CAGE1: variants seen among roughly 807,000 people sequenced by gnomAD.
The protein encoded by CAGE1 is cancer antigen 1.
Under a neutral mutation model 94.9 loss-of-function variants are expected in CAGE1, and 66 were observed. The observed-to-expected ratio is 0.70, with a 90% CI of 0.57 to 0.85. CAGE1 has a LOEUF of 0.85. Ranked by LOEUF, CAGE1 falls within the 40% of genes least tolerant of loss-of-function variation. The probability of loss-of-function intolerance (pLI) is 0.00; values close to 1 mark genes in which losing one functional copy is unlikely to be tolerated. For missense variants in CAGE1, 865 were observed against 950.4 expected, an observed-to-expected ratio of 0.91 and a Z score of 1.18; for synonymous variants, 319 against 321.0, an observed-to-expected ratio of 0.99 and a Z score of 0.07.
At chr6:7,344,050 G>A (rs556700446) in intron 11 of CAGE1, among the ~76,000 whole-genome samples, 5 of 152,236 alleles carry the variant, frequency 3.3e-5, no homozygotes, top group Admixed American at 6.5e-5. Flanking sequence ...AGGTGACAGC[G>A]TGCTGGCAAT....
intron 11 of CAGE1, chr6:7,338,862 C>A: frequency 6.9e-7 from 1 of 1,454,894 alleles, no homozygotes; most frequent in Admixed American, 1.7e-5. Flanking sequence ...ACTGAGGGCA[C>A]GGCAGGAGGC....
intron 11 of CAGE1, among the ~76,000 whole-genome samples, chr6:7,346,369 AC>A (rs1759536330): frequency 6.6e-6 from 1 of 152,136 alleles, no homozygotes; most frequent in African/African-American, 2.4e-5. Flanking sequence ...AGCCTGGGCA[AC>A]ACAGCAAGAC....
intron 11 of CAGE1, among the ~76,000 whole-genome samples, chr6:7,348,603 G>A (rs1384371052): frequency 7.9e-6 from 1 of 127,166 alleles, no homozygotes; most frequent in Non-Finnish European, 1.5e-5. Flanking sequence ...CAGGAGGTTA[G>A]TTATTAAGCT....
chr6:7,355,033 C>T lies in CAGE1; in HGVS notation c.2369+8G>A. The T allele has an allele frequency of 6.3e-7, 1 of 1,591,108 alleles. No individual in the cohort carries two copies. Among genetic ancestry groups the T allele is most frequent in the Non-Finnish European group, 8.6e-7 (1 of 1,166,386 alleles). On this transcript the variant is annotated splice_region_variant and intron_variant, in intron 11 of 13. Transcript: ENST00000502583. Reference sequence around the variant, plus strand: ...TCACAAAATTAAGGATTCGTTTTTTCAACTTACTGTGCAATCTGGGAGTGG... The same window carrying T: ...TCACAAAATTAAGGATTCGTTTTTTTAACTTACTGTGCAATCTGGGAGTGG...
chr6:7,345,091 T>TAAATCTTAAC, intron 11 of CAGE1, among the ~76,000 whole-genome samples: 1 of 151,778 alleles, frequency 6.6e-6, no homozygotes, highest in Non-Finnish European at 1.5e-5. Context: ...CACCCTGCAG[T>TAAATCTTAAC]AAATCTTAAC....
chr6:7,373,576 C>G lies in CAGE1; in HGVS notation c.1243G>C (p.Ala415Pro), dbSNP rs1042795019. 1.2e-6 allele frequency: 2 copies of G among 1,613,424 alleles called. No homozygotes were observed. The highest frequency in any genetic ancestry group is 1.7e-5 in the Admixed American group (1 of 59,982). Residue 415 changes from alanine to proline, a missense_variant, in exon 5 of 14, where the codon GCT (alanine) becomes CCT (proline). Transcript: ENST00000502583. ...CTTTCCTGTAAACACACATAATTAGCCTTGATCTTCTTAAATTGAAGCTGT... is the reference window on the plus strand; with the variant it reads ...CTTTCCTGTAAACACACATAATTAGGCTTGATCTTCTTAAATTGAAGCTGT... The part of the protein sequence containing the change: ...MLQLQFKKIK[A>P]NYVCLQERYM...
intron 4 of CAGE1, among the ~76,000 whole-genome samples, chr6:7,378,331 T>A (rs151195231): frequency 6.6e-6 from 1 of 152,362 alleles, no homozygotes; most frequent in African/African-American, 2.4e-5. Context: ...AAGTATGGAC[T>A]TGATTTTACT....
chr6:7,372,885 C>T (rs1188588298), intron 5 of CAGE1, among the ~76,000 whole-genome samples, 188 bp downstream of exon 5: 1 of 152,102 alleles, frequency 6.6e-6, no homozygotes, highest in African/African-American at 2.4e-5. Context: ...ACTATGTTGC[C>T]TAGGCTGGTG....
At chr6:7,354,565 T>C (rs1373226458) in intron 11 of CAGE1, among the ~76,000 whole-genome samples, 1 of 152,180 alleles carries the variant, frequency 6.6e-6, no homozygotes, top group Non-Finnish European at 1.5e-5. Context: ...AAGCAGCATA[T>C]TAGAAACAAG....
intron 11 of CAGE1, among the ~76,000 whole-genome samples, chr6:7,344,078 G>C (rs752074000): frequency 6.6e-6 from 1 of 152,232 alleles, no homozygotes. Context: ...GCCCTCGCTC[G>C]CTCTCGGCAC....
At chr6:7,370,204 G>T in intron 5 of CAGE1, 139 bp from the exon 6 acceptor site, 1 of 521,612 alleles carries the variant, frequency 1.9e-6, no homozygotes, top group South Asian at 3.9e-5. Flanking sequence ...GATCCCTTTA[G>T]AAATTAAAAC....
At chr6:7,335,728 C>A (rs1758932155) in intron 11 of CAGE1, among the ~76,000 whole-genome samples, 1 of 152,180 alleles carries the variant, frequency 6.6e-6, no homozygotes, top group Non-Finnish European at 1.5e-5. Flanking sequence ...GTGCATGCCA[C>A]CACACCTGAC....
chr6:7,341,493 GTC>G lies in CAGE1; in HGVS notation c.2370-7405_2370-7404del, dbSNP rs912757865. The G allele has an allele frequency of 1.6e-5, 19 of 1,201,114 alleles. No homozygotes were observed. The African/African-American group carries it at 2.8e-4, about 18-fold the overall frequency. The allele number at this position is 1,201,114 out of a possible 1,614,324, so 74.4% of individuals were successfully genotyped here. ...GCAAATTCCAGGTATTCCATCGCGAGTCTGAGGAGTAGATGTCACCCAGAAGA... is the reference window on the plus strand; with the variant it reads ...GCAAATTCCAGGTATTCCATCGCGAGTGAGGAGTAGATGTCACCCAGAAGA... On this transcript the variant is annotated intron_variant, in intron 11 of 13. Coordinates refer to ENST00000502583, the MANE Select transcript of CAGE1 (RefSeq NM_001170692.2).
chr6:7,340,896 G>T, intron 11 of CAGE1: 1 of 418,298 alleles, frequency 2.4e-6, no homozygotes. Context: ...AATTTTAGCC[G>T]GGGGGAGCTC....
chr6:7,328,517 GC>G (rs1317937069), intron 13 of CAGE1, among the ~76,000 whole-genome samples: 3 of 145,264 alleles, frequency 2.1e-5, no homozygotes, highest in Non-Finnish European at 4.6e-5. Flanking sequence ...AGTAGGAGAA[GC>G]TGCATGAGCA....
At position 7,369,227 on chromosome 6, in the gene CAGE1, C is replaced by T. The variant is rs1035860061; in HGVS notation, c.1894-429G>A. On this transcript the variant is annotated intron_variant, in intron 6 of 13. Transcript: ENST00000502583. ...TTCACTATGTTGGCCAGGCTGGTCTCGAACTCCTGACCTCAGGTGATCTGC... is the reference window on the plus strand; with the variant it reads ...TTCACTATGTTGGCCAGGCTGGTCTTGAACTCCTGACCTCAGGTGATCTGC... Among the ~76,000 whole-genome samples the T allele has an allele frequency of 4.0e-5, 6 of 151,892 alleles. No homozygotes were observed. In the East Asian group the frequency reaches 1.2e-3, roughly 29 times the overall value.
At chr6:7,365,396 A>G in intron 9 of CAGE1, 72 bp downstream of exon 9, 3 of 1,259,934 alleles carry the variant, frequency 2.4e-6, no homozygotes, top group Non-Finnish European at 3.4e-6. Context: ...AAGGATGATA[A>G]CTTCTTAAAC....
At chr6:7,327,212 C>T (rs1758568887) in intron 13 of CAGE1, among the ~76,000 whole-genome samples, 1 of 152,044 alleles carries the variant, frequency 6.6e-6, no homozygotes, top group Non-Finnish European at 1.5e-5. Context: ...AACACCATGC[C>T]CGGCTATTTT....
chr6:7,344,521 C>A (rs765883193), intron 11 of CAGE1, among the ~76,000 whole-genome samples: 2 of 152,232 alleles, frequency 1.3e-5, no homozygotes, highest in Admixed American at 6.5e-5. Flanking sequence ...AGCTCCTGTG[C>A]GGCCCAGCCT....
Sources: allele counts gnomAD v4.1 joint callset (sites outside exome capture counted in the v4.1 genomes callset), GRCh38; gene constraint gnomAD v4.1.1; transcripts MANE v1.5; gene names NCBI Gene and HGNC (gene_info 2026-07-23, HGNC 2026-07-21).